The following PIEZO2 variants were observed in gnomAD, a reference collection of about 807,000 sequenced individuals.
PIEZO2 encodes piezo type mechanosensitive ion channel component 2.
In PIEZO2, 172 loss-of-function variants were observed where a neutral mutation model predicts 337.3. The ratio of observed to expected loss-of-function variants is 0.51; its 90% CI spans 0.45 to 0.58. PIEZO2 has a LOEUF of 0.58. PIEZO2 is among the 20% of genes least tolerant of loss of function. The pLI is 0.00. For synonymous variants in PIEZO2, 1,251 were observed against 1,228.5 expected, an observed-to-expected ratio of 1.02 and a Z score of -0.38; for missense variants, 3,028 against 3,391.3, an observed-to-expected ratio of 0.89 and a Z score of 2.66.
intron 4 of PIEZO2, among the ~76,000 whole-genome samples, chr18:10,902,760 T>C (rs1449530555): frequency 3.9e-5 from 6 of 152,180 alleles, no homozygotes; most frequent in Non-Finnish European, 8.8e-5. Flanking sequence ...TTTTCCAAAG[T>C]GCAGACCCTG....
chr18:10,829,924 A>G lies in PIEZO2; in HGVS notation c.918-22650T>C, dbSNP rs542124984. Among the ~76,000 whole-genome samples, 127 of 151,708 alleles carry G rather than the reference A, an allele frequency of 8.4e-4. 2 individuals are homozygous for G. The highest frequency in any genetic ancestry group is 3.0e-3 in the African/African-American group (123 of 41,186). On this transcript the variant is annotated intron_variant, in intron 7 of 55. Coordinates refer to ENST00000674853, the MANE Select transcript of PIEZO2 (RefSeq NM_001378183.1). ...TAAAAATAGTAATGACATTCTTCAC[A>G]GAAGTAGAAAAAAAAAAAAGCCCTA...
At chr18:10,955,979 T>C (rs139668320) in intron 3 of PIEZO2, among the ~76,000 whole-genome samples, 1 of 152,226 alleles carries the variant, frequency 6.6e-6, no homozygotes, top group East Asian at 1.9e-4. Context: ...GCTGTGCTTT[T>C]CCTAAATCTT....
Position 10,763,435 on chromosome 18 carries a change from GAGAC to G in PIEZO2, c.2947-341_2947-338del, listed in dbSNP as rs201159628. On this transcript the variant is annotated intron_variant, in intron 21 of 55. Transcript: ENST00000674853. ...GGAGGTCAGGAAGCACTTTCAAGAA[GAGAC>G]AGTGCCTGAACTAAGCCAAGCCAAG... Among the ~76,000 whole-genome samples, 255 of 152,332 alleles carry G rather than the reference GAGAC, an allele frequency of 1.7e-3. 2 individuals are homozygous for G. In the East Asian group the frequency reaches 0.038, roughly 23 times the overall value.
At chr18:10,714,615 T>G in intron 39 of PIEZO2, 149 bp downstream of exon 39, 1 of 822,296 alleles carries the variant, frequency 1.2e-6, no homozygotes, top group Non-Finnish European at 1.9e-6. Context: ...CCTTATAGTT[T>G]GTTGTACAGA....
chr18:10,826,343 A>C (rs1350266179), intron 7 of PIEZO2, among the ~76,000 whole-genome samples: 1 of 152,232 alleles, frequency 6.6e-6, no homozygotes, highest in Non-Finnish European at 1.5e-5. Context: ...TGATGACTCC[A>C]ATTCCAATCT....
chr18:10,835,243 C>G (rs2040970874), intron 7 of PIEZO2, among the ~76,000 whole-genome samples: 3 of 151,244 alleles, frequency 2.0e-5, no homozygotes, highest in African/African-American at 7.3e-5. Context: ...GTCTTTGCAG[C>G]TCTCCTAGGT....
In PIEZO2 at chr18:11,112,578, C is replaced by T. The variant is rs2039767669; in HGVS notation, c.64+35947G>A. Among the ~76,000 whole-genome samples the T allele has an allele frequency of 6.6e-6, 1 of 152,220 alleles. No individual in the cohort carries two copies. The highest frequency in any genetic ancestry group is 1.9e-4 in the East Asian group (1 of 5,192). ...GGCCTTGGAGCAGCTATCGAAACCACATAAACATTGCATACTAGTCAGAGG... is the reference window on the plus strand; with the variant it reads ...GGCCTTGGAGCAGCTATCGAAACCATATAAACATTGCATACTAGTCAGAGG... On this transcript the variant is annotated intron_variant, in intron 1 of 55. Transcript: ENST00000674853. The surrounding 1 kb of genome is among the most constrained non-coding windows in gnomAD (Gnocchi z 4.3).
rs1287182585 is a variant in PIEZO2 at position 11,132,126 on chromosome 18, G to T, written c.64+16399C>A. Among the ~76,000 whole-genome samples, 1 of 152,212 alleles carries T rather than the reference G, an allele frequency of 6.6e-6. No homozygotes were observed. The highest frequency in any genetic ancestry group is 1.5e-5 in the Non-Finnish European group (1 of 68,036). ...TATTGGACCTCTTCCAACATGGAAA[G>T]AGGAGAGATTTGTTCTCACTGGAAT... On this transcript the variant is annotated intron_variant, in intron 1 of 55. Coordinates refer to ENST00000674853, the MANE Select transcript of PIEZO2 (RefSeq NM_001378183.1). This position sits in a 1 kb window ranked among gnomAD's most constrained non-coding sequence, Gnocchi z 4.7.
intron 1 of PIEZO2, among the ~76,000 whole-genome samples, chr18:11,113,057 T>C (rs1461948376): frequency 1.3e-5 from 2 of 152,228 alleles, no homozygotes; most frequent in South Asian, 2.1e-4. Context: ...AACTGGCTGA[T>C]TGACTCATGA....
chr18:10,859,572 C>G lies in PIEZO2; in HGVS notation c.493-2361G>C, dbSNP rs1182383641. Among the ~76,000 whole-genome samples the G allele has an allele frequency of 6.6e-6, 1 of 152,230 alleles. No homozygotes were observed. The highest frequency in any genetic ancestry group is 1.5e-5 in the Non-Finnish European group (1 of 68,048). On this transcript the variant is annotated intron_variant, in intron 5 of 55. Transcript: ENST00000674853. This position sits in a 1 kb window ranked among gnomAD's most constrained non-coding sequence, Gnocchi z 4.9. The stretch of plus-strand genomic sequence containing the variant: ...ACAATGTGCTTTCTTTCTGCTGGAT[C>G]ACCCCTGTTAACAGGCAAGGGCGCC...
rs1299293507 is a variant in PIEZO2 at position 11,104,501 on chromosome 18, C to T, written c.65-38279G>A. On this transcript the variant is annotated intron_variant, in intron 1 of 55. Transcript: ENST00000674853. This position sits in a 1 kb window ranked among gnomAD's most constrained non-coding sequence, Gnocchi z 4.6. ...CTTCTCTCTAGGGGTGGGGCAGGGA[C>T]GGCCTCCTGGGCAGGAGAGAAAGCT... Among the ~76,000 whole-genome samples the T allele has an allele frequency of 2.0e-5, 3 of 152,142 alleles. No homozygotes were observed. The highest frequency in any genetic ancestry group is 3.9e-4 in the East Asian group (2 of 5,182).
intron 7 of PIEZO2, among the ~76,000 whole-genome samples, chr18:10,808,627 T>C (rs1436817685): frequency 1.3e-5 from 2 of 152,246 alleles, no homozygotes; most frequent in Non-Finnish European, 2.9e-5. Context: ...ATGTCATAAC[T>C]TGTTCTTATT....
intron 21 of PIEZO2, among the ~76,000 whole-genome samples, chr18:10,768,423 C>T (rs1299275155): frequency 6.6e-6 from 1 of 152,128 alleles, no homozygotes; most frequent in Admixed American, 6.5e-5. Flanking sequence ...TAGAAAGAGC[C>T]AGCAATGCAC....
At chr18:10,679,037 A>C (rs566153445) in intron 52 of PIEZO2, among the ~76,000 whole-genome samples, 1 of 148,698 alleles carries the variant, frequency 6.7e-6, no homozygotes, top group East Asian at 2.0e-4. Context: ...AGTTCAAGTG[A>C]TTCTCCTGCC....
At position 11,127,119 on chromosome 18, in the gene PIEZO2, G is replaced by A. The variant is rs901683186; in HGVS notation, c.64+21406C>T. Among the ~76,000 whole-genome samples the A allele has an allele frequency of 1.6e-4, 24 of 152,158 alleles. No individual in the cohort carries two copies. The highest frequency in any genetic ancestry group is 5.8e-4 in the African/African-American group (24 of 41,440). ...CCAAACTCACTAACATGAAAGAATT[G>A]AGACAGAGTAAGTCCTGTGGAGATA... On this transcript the variant is annotated intron_variant, in intron 1 of 55. Coordinates refer to ENST00000674853, the MANE Select transcript of PIEZO2 (RefSeq NM_001378183.1). The surrounding 1 kb of genome is among the most constrained non-coding windows in gnomAD (Gnocchi z 4.5).
At chr18:11,075,897 TC>T (rs2038524763) in intron 1 of PIEZO2, among the ~76,000 whole-genome samples, 1 of 151,054 alleles carries the variant, frequency 6.6e-6, no homozygotes, top group South Asian at 2.1e-4. Flanking sequence ...CATGCCATTC[TC>T]CTGCCTCAGC....
At chr18:10,704,001 C>G (rs4797463) in intron 42 of PIEZO2, among the ~76,000 whole-genome samples, 1 of 151,848 alleles carries the variant, frequency 6.6e-6, no homozygotes, top group South Asian at 2.1e-4. Flanking sequence ...GCATTGTGCT[C>G]GACTCTGCAG....
intron 7 of PIEZO2, among the ~76,000 whole-genome samples, chr18:10,843,724 G>A (rs2041264172): frequency 2.0e-5 from 3 of 152,208 alleles, no homozygotes; most frequent in Admixed American, 6.5e-5. Context: ...AGGTCAATGA[G>A]ATACAGTTTC....
chr18:11,110,552 G>T lies in PIEZO2; in HGVS notation c.64+37973C>A, dbSNP rs191449797. Among the ~76,000 whole-genome samples, 1 of 152,194 alleles carries T rather than the reference G, an allele frequency of 6.6e-6. No individual in the cohort carries two copies. On this transcript the variant is annotated intron_variant, in intron 1 of 55. Coordinates refer to ENST00000674853, the MANE Select transcript of PIEZO2 (RefSeq NM_001378183.1). This position sits in a 1 kb window ranked among gnomAD's most constrained non-coding sequence, Gnocchi z 4.2. ...TCAAACAACAAAGACACAGCAGAGC[G>T]GGGGAGTGGGAGCTGCCACATAACG...
Sources: gnomAD v4.1 joint callset for allele counts (sites outside exome capture counted in the v4.1 genomes callset) on GRCh38, gnomAD v4.1.1 for gene constraint, Gnocchi (gnomAD v3.1) non-coding constraint, MANE v1.5 for transcripts, NCBI Gene and HGNC (gene_info 2026-07-23, HGNC 2026-07-21) for gene names.